Variants in KDM5C observed in about 807,000 individuals in gnomAD.
KDM5C encodes lysine-specific demethylase 5C.
Under a neutral mutation model 110.6 loss-of-function variants are expected in KDM5C, and 16 were observed. The ratio of observed to expected loss-of-function variants is 0.14; its 90% CI spans 0.10 to 0.22. KDM5C has a LOEUF of 0.22. KDM5C is among the 10% of genes least tolerant of loss of function. The pLI, the probability that KDM5C is intolerant of heterozygous loss-of-function variation, is 1.00. For synonymous variants in KDM5C, 511 were observed against 520.4 expected (o/e 0.98, Z 0.24); for missense variants, 681 against 1,300.9 (o/e 0.52, Z 7.33).
rs1242993346 is a variant in KDM5C, at chrX:53,194,514, G to C, written c.3663C>G (p.Ser1221Arg). Residue 1221 changes from serine to arginine, a missense_variant, in exon 23 of 26, where the codon AGC (serine) becomes AGG (arginine). Ser to Arg is a moderately radical substitution (Grantham distance 110, BLOSUM62 -1). This residue lies in a region of KDM5C where 48 missense variants were observed against 59.7 expected (regional missense o/e 0.80). Coordinates refer to ENST00000375401, the MANE Select transcript of KDM5C (RefSeq NM_004187.5). ...GRCVSVPRLL[S>R]SPRPNPTSSP... is the part of the protein sequence containing the mutation. ...ATGAGGTGGGATTGGGCCTCGGAGA[G>C]CTGAGGAGGCGAGGCACTGACACAC... 1.7e-6 allele frequency: 2 copies of C among 1,209,860 alleles called. No individual in the cohort carries two copies. The highest frequency in any genetic ancestry group is 3.5e-5 in the African/African-American group (2 of 57,376).
chrX:53,190,663 C>T (rs782508757), downstream of KDM5C, among the ~76,000 whole-genome samples: 1 of 111,720 alleles, frequency 9.0e-6, no homozygotes, highest in Non-Finnish European at 1.9e-5. Context: ...GGGTTGTCCA[C>T]GGACTCCTCT....
chrX:53,218,040 G>T, intron 3 of KDM5C, 74 bp from the exon 4 acceptor site: 1 of 1,068,049 alleles, frequency 9.4e-7, no homozygotes, highest in Non-Finnish European at 1.3e-6. Flanking sequence ...CTGTAGAAAG[G>T]GCAAAAGGGC....
chrX:53,179,922 C>T (rs2146783071), intron 25 of KDM5C, among the ~76,000 whole-genome samples: 1 of 112,110 alleles, frequency 8.9e-6, no homozygotes, highest in Admixed American at 9.5e-5. Flanking sequence ...TCAGCAATCA[C>T]ACTCTTTTGT....
rs1480373800 is a variant in KDM5C, at chrX:53,192,695, C to T, written c.*272G>A. ...CAGCCCCAGCCACCCCCCTGCCCAC[C>T]AGCCCATCCATCTATCTGCCTCAGG... is the stretch of plus-strand genomic sequence containing the variant. On this transcript the variant is annotated 3_prime_UTR_variant, in exon 26 of 26. Coordinates refer to ENST00000375401, the MANE Select transcript of KDM5C (RefSeq NM_004187.5). The T allele has an allele frequency of 6.1e-6, 7 of 1,146,588 alleles. No homozygotes were observed. The highest frequency in any genetic ancestry group is 8.2e-6 in the Non-Finnish European group (7 of 858,647). 94.5% of individuals were successfully genotyped at this position (1,146,588 alleles called of 1,213,427 possible). A position where few individuals can be genotyped will look rare whatever the true frequency, so the allele number is the denominator to read the frequency against.
At chrX:53,207,922 A>G (rs1312435343) in intron 12 of KDM5C, among the ~76,000 whole-genome samples, 6 of 100,424 alleles carry the variant, frequency 6.0e-5, no homozygotes, top group African/African-American at 2.2e-4. Flanking sequence ...AGATCGTGCC[A>G]CTGCACTCCA....
Position 53,192,838 on chromosome X carries a change from G to C in KDM5C, c.*129C>G, listed in dbSNP as rs1602156447. ...AATACAAAAGTCAAGGGACTCAGGG[G>C]TGGGCGGGTAGCAGGGATGGCCACC... On this transcript the variant is annotated 3_prime_UTR_variant, in exon 26 of 26. Transcript: ENST00000375401. 2 of 1,080,697 alleles carry C rather than the reference G, an allele frequency of 1.9e-6. No individual in the cohort carries two copies. The highest frequency in any genetic ancestry group is 2.5e-6 in the Non-Finnish European group (2 of 810,802). 89.1% of individuals were successfully genotyped at this position (1,080,697 alleles called of 1,213,427 possible). A position where few individuals can be genotyped will look rare whatever the true frequency, so the allele number is the denominator to read the frequency against.
intron 1 of KDM5C, among the ~76,000 whole-genome samples, chrX:53,221,366 T>C (rs1213565282): frequency 2.7e-5 from 3 of 111,757 alleles, no homozygotes; most frequent in Non-Finnish European, 5.6e-5. Flanking sequence ...CGCTACTTAC[T>C]AGCTATGAGA....
intron 10 of KDM5C, among the ~76,000 whole-genome samples, 154 bp from the exon 11 acceptor site, chrX:53,211,011 C>T (rs374094663): frequency 8.9e-6 from 1 of 111,851 alleles, no homozygotes; most frequent in African/African-American, 3.2e-5. Context: ...CCTACCTCTC[C>T]ACCAAAAAGC....
intron 12 of KDM5C, 151 bp downstream of exon 12, chrX:53,210,263 T>TA (rs1239753414): frequency 1.4e-6 from 1 of 691,782 alleles, no homozygotes; most frequent in East Asian, 3.5e-5. Context: ...TTTGGGTCTC[T>TA]ACTAGACTAG....
At position 53,192,942 on chromosome X, in the gene KDM5C, G is replaced by C. The variant is rs782008479; in HGVS notation, c.*25C>G. 2 of 1,136,110 alleles carry C rather than the reference G, an allele frequency of 1.8e-6. No homozygotes were observed. Among genetic ancestry groups the C allele is most frequent in the Admixed American group, 6.1e-5 (2 of 32,687 alleles). The allele number at this position is 1,136,110 out of a possible 1,213,427, so 93.6% of individuals were successfully genotyped here. A position where few individuals can be genotyped will look rare whatever the true frequency, so the allele number is the denominator to read the frequency against. ...TTGAGGCCGAGGGGGGTCTCTGTCAGGGTCTGTGCTAGGCTCAGCCACTGT... is the reference window on the plus strand; with the variant it reads ...TTGAGGCCGAGGGGGGTCTCTGTCACGGTCTGTGCTAGGCTCAGCCACTGT... On this transcript the variant is annotated 3_prime_UTR_variant, in exon 26 of 26. Coordinates refer to ENST00000375401, the MANE Select transcript of KDM5C (RefSeq NM_004187.5).
chrX:53,176,865 G>T, intron 25 of KDM5C, among the ~76,000 whole-genome samples: 1 of 112,333 alleles, frequency 8.9e-6, no homozygotes, highest in Middle Eastern at 4.6e-3. Flanking sequence ...AGGAAGTCAT[G>T]CTTAAGTGGT....
chrX:53,180,817 C>G (rs1038661022), intron 25 of KDM5C, among the ~76,000 whole-genome samples: 1 of 104,452 alleles, frequency 9.6e-6, no homozygotes. Context: ...GGCTCCACCC[C>G]CCGGGGGTTC....
Position 53,196,861 on chromosome X carries a change from G to A in KDM5C, c.2806C>T (p.Arg936Cys), listed in dbSNP as rs782308622. 21 of 1,205,198 alleles carry A rather than the reference G, an allele frequency of 1.7e-5. No homozygotes were observed. The highest frequency in any genetic ancestry group is 8.8e-5 in the Admixed American group (4 of 45,275). ...EQARWLDEVK[R>C]TLAPSARRGT... is the part of the protein sequence containing the mutation. Reference sequence around the variant, plus strand: ...CTTCGGGCTGAGGGGGCCAGTGTGCGTTTCACCTCATCCAGCCATCGCGCC... The same window carrying A: ...CTTCGGGCTGAGGGGGCCAGTGTGCATTTCACCTCATCCAGCCATCGCGCC... The change falls in exon 19 of 26, where the codon CGC (arginine) becomes TGC (cysteine). Residue 936 changes from arginine (R) to cysteine (C), a missense_variant. This residue lies in a region of KDM5C where 123 missense variants were observed against 169.0 expected (regional missense o/e 0.73). Coordinates refer to ENST00000375401, the MANE Select transcript of KDM5C (RefSeq NM_004187.5).
intron 12 of KDM5C, among the ~76,000 whole-genome samples, chrX:53,203,725 G>A (rs782369434): frequency 2.0e-3 from 211 of 107,594 alleles, no homozygotes; most frequent in African/African-American, 6.8e-3. Flanking sequence ...GTATCTCCAA[G>A]TTGCTTCTGT....
At chrX:53,193,360 G>A in intron 25 of KDM5C, 28 bp from the exon 26 acceptor site, 9 of 1,211,383 alleles carry the variant, frequency 7.4e-6, no homozygotes, top group Non-Finnish European at 1.0e-5. Flanking sequence ...CAGAAAGACA[G>A]GTTGTGGGCC....
intron 1 of KDM5C, among the ~76,000 whole-genome samples, chrX:53,223,786 A>G (rs116825992): frequency 0.067 from 7,478 of 111,145 alleles, 607 homozygotes; most frequent in African/African-American, 0.24. Context: ...CTGCGGGCCC[A>G]AGAGTGCCCT....
chrX:53,214,024 G>A (rs1479370219), intron 8 of KDM5C, among the ~76,000 whole-genome samples: 1 of 108,535 alleles, frequency 9.2e-6, no homozygotes, highest in Non-Finnish European at 1.9e-5. Context: ...GCATGATTTT[G>A]GCACACTGCA....
intron 1 of KDM5C, chrX:53,221,731 C>T: frequency 1.0e-6 from 1 of 981,914 alleles, no homozygotes; most frequent in Non-Finnish European, 1.3e-6. Context: ...ATACACCTGC[C>T]TGGTACAGGA....
chrX:53,202,910 C>G (rs191892581), intron 12 of KDM5C: 3 of 109,515 alleles, frequency 2.7e-5, no homozygotes, highest in Non-Finnish European at 5.7e-5. Flanking sequence ...GTCCGCCTCC[C>G]GGGTTCACGC....
Sources: allele counts gnomAD v4.1 joint callset (sites outside exome capture counted in the v4.1 genomes callset), GRCh38; gene constraint gnomAD v4.1.1; regional missense constraint gnomAD v4.1.1; transcripts MANE v1.5; gene names NCBI Gene and HGNC (gene_info 2026-07-23, HGNC 2026-07-21).